Variants in FAM149B1 observed in about 807,000 individuals in gnomAD.
FAM149B1 encodes the protein family with sequence similarity 149 member B1.
In FAM149B1, 56 loss-of-function variants were observed where a neutral mutation model predicts 75.3. The observed-to-expected ratio is 0.74, with a 90% confidence interval of 0.60 to 0.93. The LOEUF (loss-of-function observed/expected upper bound fraction) is 0.93. Among genes scored for constraint, FAM149B1 ranks in the 40% least tolerant of loss-of-function variants. The pLI is 0.00. For missense variants in FAM149B1, 639 were observed against 708.4 expected (o/e 0.90, Z 1.11); for synonymous variants, 259 against 256.1 (o/e 1.01, Z -0.11).
chr10:73,177,795 A>T (rs932305738), intron 2 of FAM149B1, 51 bp from the exon 3 acceptor site: 2 of 1,531,364 alleles, frequency 1.3e-6, no homozygotes, highest in African/African-American at 2.8e-5. Flanking sequence ...AAACTTGAGG[A>T]CATATGAAAA....
At position 73,204,706 on chromosome 10, in the gene FAM149B1, G is replaced by A. The variant is rs933890504; in HGVS notation, c.543-3913G>A. 4.6e-5 allele frequency among the ~76,000 whole-genome samples: 7 copies of A among 151,606 alleles called. No individual in the cohort carries two copies. In the East Asian group the frequency reaches 9.6e-4, roughly 21 times the overall value. ...GGAGCATATATTTTGGGCAATGATG[G>A]AGTTACTGAAATAAGGATATAACCT... On this transcript the variant is annotated intron_variant, in intron 5 of 13. Coordinates refer to ENST00000242505, the MANE Select transcript of FAM149B1 (RefSeq NM_173348.2).
chr10:73,216,466 A>G (rs898571550), intron 7 of FAM149B1, among the ~76,000 whole-genome samples: 4 of 151,340 alleles, frequency 2.6e-5, no homozygotes, highest in Non-Finnish European at 4.4e-5. Context: ...TTTATAAATT[A>G]TGTTTCTTTT....
At position 73,196,525 on chromosome 10, in the gene FAM149B1, G is replaced by C. The variant is rs78948867; in HGVS notation, c.542+2932G>C. ...GTCATTAATTCATTTTGATCTTACAGTTTAACAAATCAGGTTGTCATAAAA... is the reference window on the plus strand; with the variant it reads ...GTCATTAATTCATTTTGATCTTACACTTTAACAAATCAGGTTGTCATAAAA... On this transcript the variant is annotated intron_variant, in intron 5 of 13. Transcript: ENST00000242505. Among the ~76,000 whole-genome samples, 1,140 of 152,234 alleles carry C rather than the reference G, an allele frequency of 7.5e-3. 13 individuals carry two copies. Among genetic ancestry groups the C allele is most frequent in the African/African-American group, 0.024 (1,005 of 41,540 alleles).
intron 5 of FAM149B1, among the ~76,000 whole-genome samples, chr10:73,196,314 G>C (rs1021937410): frequency 5.3e-5 from 8 of 151,442 alleles, no homozygotes; most frequent in African/African-American, 1.9e-4. Context: ...CTGCTATTTT[G>C]CCCCCCACCC....
chr10:73,216,609 G>A (rs1374667181), intron 7 of FAM149B1, among the ~76,000 whole-genome samples: 1 of 152,182 alleles, frequency 6.6e-6, no homozygotes, highest in African/African-American at 2.4e-5. Flanking sequence ...GATGTGAGGA[G>A]TACAGTCCAT....
intron 1 of FAM149B1, among the ~76,000 whole-genome samples, chr10:73,173,058 G>A (rs1235067488): frequency 6.6e-6 from 1 of 152,134 alleles, no homozygotes; most frequent in South Asian, 2.1e-4. Context: ...GGTCAAGGCT[G>A]CAGTGAGCTA....
At chr10:73,178,066 G>A in intron 3 of FAM149B1, 91 bp downstream of exon 3, 1 of 1,254,366 alleles carries the variant, frequency 8.0e-7, no homozygotes. Context: ...TCACTCTCCT[G>A]CATTGTTTCT....
At chr10:73,189,893 C>T (rs2133330576) in intron 3 of FAM149B1, among the ~76,000 whole-genome samples, 1 of 152,120 alleles carries the variant, frequency 6.6e-6, no homozygotes. Context: ...TTTTAAAGTC[C>T]TCAAAGAGTT....
At chr10:73,202,722 G>A (rs1420445422) in intron 5 of FAM149B1, among the ~76,000 whole-genome samples, 2 of 145,334 alleles carry the variant, frequency 1.4e-5, no homozygotes, top group East Asian at 2.1e-4. Context: ...ACAGGGCCTC[G>A]CTTTGTCACC....
intron 6 of FAM149B1, among the ~76,000 whole-genome samples, chr10:73,209,360 A>T (rs2043135877): frequency 6.6e-6 from 1 of 152,166 alleles, no homozygotes; most frequent in African/African-American, 2.4e-5. Context: ...AGGCCAGAGA[A>T]TCGCTTGAAC....
intron 1 of FAM149B1, among the ~76,000 whole-genome samples, chr10:73,172,682 A>G (rs565308528): frequency 1.3e-5 from 2 of 152,344 alleles, no homozygotes; most frequent in African/African-American, 2.4e-5. Flanking sequence ...TTACTGGAAC[A>G]TATAATGATT....
At chr10:73,210,151 C>T in intron 6 of FAM149B1, 100 bp from the exon 7 acceptor site, 2 of 725,516 alleles carry the variant, frequency 2.8e-6, no homozygotes, top group Non-Finnish European at 4.4e-6. Flanking sequence ...TTCCATTTTT[C>T]CTCAAATCAA....
rs757175398 is a variant in FAM149B1, at chr10:73,193,524, A to G, written c.473A>G (p.Tyr158Cys). ...IITPSEGYRL[Y>C]PRSPSAVSAS... The stretch of plus-strand genomic sequence containing the variant: ...ACTCCAAGTGAAGGTTATAGATTGT[A>G]TCCTAGATCCCCTTCTGCTGTTTCC... The change falls in exon 5 of 14, where the codon TAT (tyrosine) becomes TGT (cysteine). Residue 158 changes from tyrosine to cysteine, a missense_variant. Transcript: ENST00000242505. 6.4e-7 allele frequency: 1 copy of G among 1,550,676 alleles called. No individual in the cohort carries two copies. The highest frequency in any genetic ancestry group is 8.7e-7 in the Non-Finnish European group (1 of 1,146,700).
chr10:73,219,743 A>G (rs2043367936), intron 7 of FAM149B1, among the ~76,000 whole-genome samples: 1 of 152,184 alleles, frequency 6.6e-6, no homozygotes, highest in South Asian at 2.1e-4. Context: ...CATACCATAT[A>G]CAAAAATCAA....
chr10:73,173,541 A>C (rs944966082), intron 1 of FAM149B1, among the ~76,000 whole-genome samples: 1 of 152,168 alleles, frequency 6.6e-6, no homozygotes, highest in Non-Finnish European at 1.5e-5. Context: ...CTACCACTAT[A>C]GTTTTGTCCA....
intron 7 of FAM149B1, among the ~76,000 whole-genome samples, chr10:73,220,036 A>G (rs536214530): frequency 6.6e-6 from 1 of 151,700 alleles, no homozygotes; most frequent in African/African-American, 2.4e-5. Context: ...GTAAAGAACT[A>G]TAACTCAATA....
intron 6 of FAM149B1, among the ~76,000 whole-genome samples, chr10:73,209,668 C>T (rs1011484197): frequency 2.0e-5 from 3 of 152,118 alleles, no homozygotes; most frequent in African/African-American, 7.2e-5. Flanking sequence ...AAACCAAAAC[C>T]TTATTCATCT....
At chr10:73,206,195 C>T (rs1231512825) in intron 5 of FAM149B1, among the ~76,000 whole-genome samples, 1 of 152,180 alleles carries the variant, frequency 6.6e-6, no homozygotes, top group South Asian at 2.1e-4. Context: ...TGTCCATGCC[C>T]TAGAGATCTA....
chr10:73,168,188 C>T lies in FAM149B1; in HGVS notation c.-152C>T. On this transcript the variant is annotated 5_prime_UTR_variant, in exon 1 of 14. Coordinates refer to ENST00000242505, the MANE Select transcript of FAM149B1 (RefSeq NM_173348.2). Reference sequence around the variant, plus strand: ...GGTGGGGACCCTGGGGAGGTGGCTGCTCGGAGTCTAGGTGACGGGGCGAGA... The same window carrying T: ...GGTGGGGACCCTGGGGAGGTGGCTGTTCGGAGTCTAGGTGACGGGGCGAGA... 3 of 766,788 alleles carry T rather than the reference C, an allele frequency of 3.9e-6. No homozygotes were observed. The highest frequency in any genetic ancestry group is 1.9e-5 in the African/African-American group (1 of 53,790). The allele number at this position is 766,788 out of a possible 1,614,324, so 47.5% of individuals were successfully genotyped here.
Sources: gnomAD v4.1 joint callset for allele counts (sites outside exome capture counted in the v4.1 genomes callset) on GRCh38, gnomAD v4.1.1 for gene constraint, MANE v1.5 for transcripts, NCBI Gene and HGNC (gene_info 2026-07-23, HGNC 2026-07-21) for gene names.